Variants in NBEA observed in about 807,000 individuals in gnomAD.
The protein encoded by NBEA is lysosomal-trafficking regulator 2.
A neutral mutation model predicts 343.4 loss-of-function variants in NBEA; 44 were observed. That is an observed-to-expected ratio of 0.13 (90% confidence interval 0.10 to 0.16). The LOEUF is 0.16. NBEA is among the 10% of genes least tolerant of loss of function. The pLI is 1.00. For synonymous variants in NBEA, 1,175 were observed against 1,238.7 expected (o/e 0.95, Z 1.08); for missense variants, 2,555 against 3,631.3 (o/e 0.70, Z 7.62).
At chr13:35,012,151 G>T (rs1271953223) in intron 1 of NBEA, among the ~76,000 whole-genome samples, 1 of 152,182 alleles carries the variant, frequency 6.6e-6, no homozygotes, top group Non-Finnish European at 1.5e-5. Context: ...AATTGGTAAT[G>T]AACAGAAATT....
At chr13:34,960,406 A>G (rs1477596241) in intron 1 of NBEA, among the ~76,000 whole-genome samples, 1 of 152,094 alleles carries the variant, frequency 6.6e-6, no homozygotes, top group African/African-American at 2.4e-5. Flanking sequence ...ATATTAAAGA[A>G]ATAAACTTTT....
intron 1 of NBEA, among the ~76,000 whole-genome samples, chr13:35,008,368 A>G (rs983526942): frequency 6.6e-6 from 1 of 152,202 alleles, no homozygotes; most frequent in African/African-American, 2.4e-5. Flanking sequence ...CATATAACCT[A>G]TGCATATCCT....
chr13:35,324,787 A>G lies in NBEA; in HGVS notation c.5903+15195A>G, dbSNP rs145747446. Among the ~76,000 whole-genome samples the G allele has an allele frequency of 1.8e-4, 28 of 152,258 alleles. 1 individual carries two copies. Among genetic ancestry groups the G allele is most frequent in the Middle Eastern group, 3.4e-3 (1 of 294 alleles). On this transcript the variant is annotated intron_variant, in intron 36 of 58. Coordinates refer to ENST00000379939, the MANE Select transcript of NBEA (RefSeq NM_001385012.1). ...TAAAAATGTCAGGGACTTTAGAAGG[A>G]GCTATTTCATTGGGCAATAATGATT...
At chr13:35,527,988 C>A (rs2078067401) in intron 41 of NBEA, among the ~76,000 whole-genome samples, 1 of 152,100 alleles carries the variant, frequency 6.6e-6, no homozygotes, top group Non-Finnish European at 1.5e-5. Flanking sequence ...CAAAGCAAGA[C>A]CCTGTCTCAA....
chr13:35,122,672 A>G lies in NBEA; in HGVS notation c.2244-810A>G, dbSNP rs2066870146. Among the ~76,000 whole-genome samples the G allele has an allele frequency of 1.3e-5, 2 of 152,108 alleles. 1 individual carries two copies. ...CAACATGGCACATGTATACATACGT[A>G]ACAAACCTGCACGTTGTACACATGT... On this transcript the variant is annotated intron_variant, in intron 16 of 58. Transcript: ENST00000379939.
intron 18 of NBEA, among the ~76,000 whole-genome samples, chr13:35,151,863 A>G (rs1234491250): frequency 6.6e-6 from 1 of 152,084 alleles, no homozygotes; most frequent in Non-Finnish European, 1.5e-5. Context: ...TTGTTACTCC[A>G]TCTCTAAATT....
chr13:35,227,140 A>AT (rs34197341), intron 33 of NBEA, among the ~76,000 whole-genome samples: 35 of 149,486 alleles, frequency 2.3e-4, no homozygotes, highest in African/African-American at 4.9e-4. Context: ...ATAAGTAAGC[A>AT]TTTTTTTTTT....
chr13:35,076,371 A>T (rs963155456), intron 10 of NBEA, among the ~76,000 whole-genome samples: 3 of 152,104 alleles, frequency 2.0e-5, no homozygotes, highest in Non-Finnish European at 4.4e-5. Flanking sequence ...ATTTAAGCAG[A>T]GTAAAATGAA....
At chr13:35,526,491 T>C (rs1007184776) in intron 41 of NBEA, among the ~76,000 whole-genome samples, 1 of 152,090 alleles carries the variant, frequency 6.6e-6, no homozygotes, top group African/African-American at 2.4e-5. Flanking sequence ...ACTAAAAATA[T>C]AAAAATTTTG....
intron 33 of NBEA, among the ~76,000 whole-genome samples, chr13:35,225,658 A>G (rs1344868758): frequency 6.6e-6 from 1 of 152,094 alleles, no homozygotes; most frequent in Admixed American, 6.6e-5. Context: ...TAGTTCACAC[A>G]TGGACTTCAG....
intron 34 of NBEA, among the ~76,000 whole-genome samples, chr13:35,256,393 G>A (rs1356303652): frequency 6.6e-6 from 1 of 152,130 alleles, no homozygotes; most frequent in Non-Finnish European, 1.5e-5. Context: ...CTGGTCTTTG[G>A]GAGGCCATAG....
At chr13:35,243,533 C>G (rs2152780166) in intron 34 of NBEA, among the ~76,000 whole-genome samples, 1 of 151,876 alleles carries the variant, frequency 6.6e-6, no homozygotes, top group Middle Eastern at 3.4e-3. Context: ...CACTGTAAAT[C>G]TAAGGACACA....
At position 34,950,806 on chromosome 13, in the gene NBEA, C is replaced by T. The variant is rs566128186; in HGVS notation, c.294+7692C>T. On this transcript the variant is annotated intron_variant, in intron 1 of 58. Transcript: ENST00000379939. ...AAGGAAGTGATTAAAAAGAAATGAC[C>T]AGCTGGTCATGGTGGCTCATGCCTG... Among the ~76,000 whole-genome samples the T allele has an allele frequency of 5.3e-5, 8 of 151,900 alleles. No homozygotes were observed. In the East Asian group the frequency reaches 1.2e-3, roughly 22 times the overall value.
At chr13:35,078,820 G>A (rs1414786982) in intron 10 of NBEA, among the ~76,000 whole-genome samples, 1 of 152,252 alleles carries the variant, frequency 6.6e-6, no homozygotes, top group Non-Finnish European at 1.5e-5. Context: ...TCAAGAGATC[G>A]AGAGCATCCT....
intron 38 of NBEA, among the ~76,000 whole-genome samples, chr13:35,357,820 G>A (rs2040576594): frequency 6.6e-6 from 1 of 151,962 alleles, no homozygotes; most frequent in Admixed American, 6.6e-5. Context: ...ACGTTACTAT[G>A]AAAAATTGAA....
intron 39 of NBEA, among the ~76,000 whole-genome samples, chr13:35,451,727 G>T (rs2046321701): frequency 6.6e-6 from 1 of 152,170 alleles, no homozygotes; most frequent in Non-Finnish European, 1.5e-5. Context: ...TAAGTTTGGG[G>T]TGAAGTACAG....
At chr13:35,315,672 G>T (rs1435066047) in intron 36 of NBEA, among the ~76,000 whole-genome samples, 8 of 152,072 alleles carry the variant, frequency 5.3e-5, no homozygotes, top group Admixed American at 5.2e-4. Context: ...CTGAATTTAA[G>T]CTAGAGCTCT....
At chr13:35,151,468 G>C (rs571240625) in intron 18 of NBEA, among the ~76,000 whole-genome samples, 2 of 151,366 alleles carry the variant, frequency 1.3e-5, no homozygotes, top group African/African-American at 4.9e-5. Context: ...GCTTGAACCC[G>C]GGAGGTGGAG....
chr13:35,522,849 C>T (rs1338821518), intron 41 of NBEA, among the ~76,000 whole-genome samples: 4 of 152,070 alleles, frequency 2.6e-5, no homozygotes, highest in Non-Finnish European at 5.9e-5. Flanking sequence ...CACCCCACCC[C>T]CTCACCCCCT....
Sources: gnomAD v4.1 joint callset for allele counts (sites outside exome capture counted in the v4.1 genomes callset) on GRCh38, gnomAD v4.1.1 for gene constraint, MANE v1.5 for transcripts, NCBI Gene and HGNC (gene_info 2026-07-23, HGNC 2026-07-21) for gene names.